The following ADAR variants were observed in gnomAD, a reference collection of about 807,000 sequenced individuals.
ADAR encodes adenosine deaminase RNA specific, also known as double-stranded RNA-specific adenosine deaminase.
A neutral mutation model predicts 113.2 loss-of-function variants in ADAR; 41 were observed. The observed-to-expected ratio is 0.36, with a 90% CI of 0.28 to 0.47. ADAR has a LOEUF of 0.47. Among genes scored for constraint, ADAR ranks in the 20% least tolerant of loss-of-function variants. The pLI is 1.00. For synonymous variants in ADAR, 605 were observed against 572.6 expected (o/e 1.06, Z -0.81); for missense variants, 1,242 against 1,540.9 (o/e 0.81, Z 3.25).
intron 13 of ADAR, 24 bp from the exon 14 acceptor site, chr1:154,585,368 A>T (rs748908087): frequency 6.2e-7 from 1 of 1,614,052 alleles, no homozygotes; most frequent in Non-Finnish European, 8.5e-7. Flanking sequence ...AAGCAACGGG[A>T]GAAAGATGGA....
At chr1:154,610,808 C>CA (rs1369386387), upstream of ADAR, among the ~76,000 whole-genome samples, 2,646 of 40,352 alleles carry the variant, frequency 0.066, 450 homozygotes, top group South Asian at 0.14. Context: ...GACACCGTCT[C>CA]AAAAAAAAAA....
chr1:154,621,993 G>A (rs745380808), intron 1 of ADAR, among the ~76,000 whole-genome samples: 14 of 152,108 alleles, frequency 9.2e-5, no homozygotes, highest in Admixed American at 2.0e-4. Context: ...TGGGTGTGGC[G>A]TGGCTAGGGT....
In ADAR at chr1:154,601,822, G is replaced by T. The variant is rs779977985; in HGVS notation, c.820C>A (p.Pro274Thr). The T allele has an allele frequency of 1.9e-6, 3 of 1,614,094 alleles. No homozygotes were observed. The highest frequency in any genetic ancestry group is 2.5e-6 in the Non-Finnish European group (3 of 1,180,046). Residue 274 changes from proline (P) to threonine (T), a missense_variant, in exon 2 of 15, where the codon CCA (proline) becomes ACA (threonine). By Grantham distance (38) the Pro-to-Thr change is conservative. Transcript: ENST00000368474. The surrounding 1 kb of genome is among the most constrained non-coding windows in gnomAD (Gnocchi z 4.7). ...SHSQGSPNSD[P>T]GLEPEDSNST... ...TTGCTGTCTTCAGGTTCCAAACCTGGGTCTGAGTTTGGGGATCCTTGGCTA... is the reference window on the plus strand; with the variant it reads ...TTGCTGTCTTCAGGTTCCAAACCTGTGTCTGAGTTTGGGGATCCTTGGCTA...
Position 154,602,600 on chromosome 1 carries a change from G to T in ADAR, c.42C>A (p.Thr14=). 1 of 1,614,084 alleles carries T rather than the reference G, an allele frequency of 6.2e-7. No individual in the cohort carries two copies. The highest frequency in any genetic ancestry group is 1.1e-5 in the South Asian group (1 of 91,084). The part of the protein sequence containing the change: ...RQGYSLSGYY[T]HPFQGYEHRQ... ...TGTGCTCATAGCCTTGAAATGGATG[G>T]GTGTAGTATCCGCTGAGGGAATACC... is the stretch of plus-strand genomic sequence containing the variant. The change falls in exon 2 of 15, where the codon ACC becomes ACA. Residue 14 remains threonine, a synonymous_variant. Coordinates refer to ENST00000368474, the MANE Select transcript of ADAR (RefSeq NM_001111.5).
intron 1 of ADAR, 93 bp downstream of exon 1, chr1:154,607,897 TCA>T (rs1466677593): frequency 6.4e-7 from 1 of 1,573,552 alleles, no homozygotes; most frequent in Non-Finnish European, 8.6e-7. Context: ...ACTCTAACAC[TCA>T]CAAGACGCAC....
In ADAR at chr1:154,598,395, CA is replaced by C; in HGVS notation, c.1785+6del. The C allele has an allele frequency of 6.2e-7, 1 of 1,613,984 alleles. No individual in the cohort carries two copies. Among genetic ancestry groups the C allele is most frequent in the East Asian group, 2.2e-5 (1 of 44,878 alleles). ...CTGATCCTCCCAGATGGCAGGAGGACACCTACCTTCTCTGATTCTTTCTCTG... is the reference window on the plus strand; with the variant it reads ...CTGATCCTCCCAGATGGCAGGAGGACCCTACCTTCTCTGATTCTTTCTCTG... On this transcript the variant is annotated splice_donor_region_variant and intron_variant, in intron 3 of 14. Transcript: ENST00000368474.
chr1:154,585,697 C>T, intron 13 of ADAR, 56 bp downstream of exon 13: 1 of 1,454,316 alleles, frequency 6.9e-7, no homozygotes, highest in Non-Finnish European at 9.6e-7. Context: ...CCTCTGTTTA[C>T]ATGACTGCTT....
chr1:154,615,830 TAAA>T (rs1698620373), intron 1 of ADAR, among the ~76,000 whole-genome samples: 1 of 152,208 alleles, frequency 6.6e-6, no homozygotes. Flanking sequence ...TTTATATTTT[TAAA>T]ATGATGAAAA....
Position 154,585,352 on chromosome 1 carries a change from T to C in ADAR, c.3316-8A>G. On this transcript the variant is annotated splice_region_variant and splice_polypyrimidine_tract_variant and intron_variant, in intron 13 of 14. Coordinates refer to ENST00000368474, the MANE Select transcript of ADAR (RefSeq NM_001111.5). ...TATGCTGACTCTGCCAACCTAGGAA[T>C]CCCAGAAGCAACGGGAGAAAGATGG... is the stretch of plus-strand genomic sequence containing the variant. 1 of 1,613,958 alleles carries C rather than the reference T, an allele frequency of 6.2e-7. No homozygotes were observed. The highest frequency in any genetic ancestry group is 8.5e-7 in the Non-Finnish European group (1 of 1,179,974).
chr1:154,606,958 A>ATATC (rs1553214985), intron 1 of ADAR, among the ~76,000 whole-genome samples: 4 of 150,990 alleles, frequency 2.6e-5, no homozygotes, highest in East Asian at 1.9e-4. Context: ...ATATATATAT[A>ATATC]TCTTAACAAA....
chr1:154,590,135 A>AGGCGGGGGGGGCGGGGGGGGGGGG, intron 7 of ADAR, 49 bp downstream of exon 7: 1 of 1,205,046 alleles, frequency 8.3e-7, no homozygotes, highest in East Asian at 2.5e-5. Flanking sequence ...CTTAGGAGTT[A>AGGCGGGGGGGGCGGGGGGGGGGGG]GGAGGACCCC....
intron 8 of ADAR, 120 bp from the exon 9 acceptor site, chr1:154,589,582 C>T (rs1696986778): frequency 8.6e-7 from 1 of 1,162,622 alleles, no homozygotes; most frequent in Non-Finnish European, 1.3e-6. Flanking sequence ...AGATCCTAGA[C>T]TCCCATATTC....
chr1:154,600,788 A>G, intron 2 of ADAR: 2 of 565,802 alleles, frequency 3.5e-6, no homozygotes, highest in South Asian at 4.0e-5. Context: ...AATCATTTCT[A>G]AAGAAGCTTC....
At chr1:154,618,586 T>C (rs1260952130) in intron 1 of ADAR, among the ~76,000 whole-genome samples, 1 of 152,058 alleles carries the variant, frequency 6.6e-6, no homozygotes, top group African/African-American at 2.4e-5. Flanking sequence ...AGCTTCAGAC[T>C]AACAGAAAAG....
chr1:154,617,515 C>T (rs1698666123), intron 1 of ADAR, among the ~76,000 whole-genome samples: 1 of 152,056 alleles, frequency 6.6e-6, no homozygotes, highest in Non-Finnish European at 1.5e-5. Flanking sequence ...GTGTGAGGAC[C>T]CCTTAATAAT....
In ADAR at chr1:154,601,474, G is replaced by C; in HGVS notation, c.1168C>G (p.Leu390Val). ...IPETKRNAEF[L>V]TCNIPTSNAS... ...TTTGATGTGGGTATATTACAGGTGA[G>C]GAACTCTGCGTTTCTTTTGGTCTCA... Residue 390 changes from leucine to valine, a missense_variant, in exon 2 of 15, where the codon CTC (leucine) becomes GTC (valine). By Grantham distance (32) the Leu-to-Val change is conservative. This residue lies in a region of ADAR where 462 missense variants were observed against 483.1 expected (regional missense o/e 0.96). Transcript: ENST00000368474. This position sits in a 1 kb window ranked among gnomAD's most constrained non-coding sequence, Gnocchi z 4.7. 1 of 1,614,174 alleles carries C rather than the reference G, an allele frequency of 6.2e-7. No individual in the cohort carries two copies. Among genetic ancestry groups the C allele is most frequent in the South Asian group, 1.1e-5 (1 of 91,082 alleles).
In ADAR at chr1:154,602,322, C is replaced by A. The variant is rs763106489; in HGVS notation, c.320G>T (p.Gly107Val). 8.1e-6 allele frequency: 13 copies of A among 1,612,816 alleles called. No homozygotes were observed. Among genetic ancestry groups the A allele is most frequent in the Non-Finnish European group, 9.3e-6 (11 of 1,179,274 alleles). Residue 107 changes from glycine (G) to valine (V), a missense_variant, in exon 2 of 15, where the codon GGG (glycine) becomes GTG (valine). Physicochemically the swap from Gly to Val is moderately radical, Grantham distance 109. Around this residue, in one of 2 missense-constraint regions of ADAR, gnomAD observed 462 missense variants for 483.1 expected, o/e 0.96. Coordinates refer to ENST00000368474, the MANE Select transcript of ADAR (RefSeq NM_001111.5). ...GCCACGTGGTGAAGGATGCTGGAAC[C>A]CTCTCTGGAGCCCCTGACTTCTGAG... Reference protein sequence around the residue: ...VHLRSQGLQRGFQHPSPRGRS... With the variant: ...VHLRSQGLQRVFQHPSPRGRS...
At chr1:154,610,446 G>A (rs1017192792), upstream of ADAR, among the ~76,000 whole-genome samples, 13 of 152,296 alleles carry the variant, frequency 8.5e-5, no homozygotes, top group African/African-American at 3.1e-4. Context: ...AAAGCCATAT[G>A]TATACTATAT....
chr1:154,588,682 AG>A lies in ADAR; in HGVS notation c.2763-10del. On this transcript the variant is annotated splice_polypyrimidine_tract_variant and intron_variant, in intron 9 of 14. Coordinates refer to ENST00000368474, the MANE Select transcript of ADAR (RefSeq NM_001111.5). ...ACTCACTGTAGAGAAACCTACAAAA[AG>A]AAAGTCTGGTTAGGAAGGCAGGTTC... 1 of 1,614,218 alleles carries A rather than the reference AG, an allele frequency of 6.2e-7. No individual in the cohort carries two copies. Among genetic ancestry groups the A allele is most frequent in the Non-Finnish European group, 8.5e-7 (1 of 1,180,034 alleles).
Sources: gnomAD v4.1 joint callset for allele counts (sites outside exome capture counted in the v4.1 genomes callset) on GRCh38, gnomAD v4.1.1 for gene constraint, gnomAD v4.1.1 regional missense constraint, Gnocchi (gnomAD v3.1) non-coding constraint, MANE v1.5 for transcripts, NCBI Gene and HGNC (gene_info 2026-07-23, HGNC 2026-07-21) for gene names.